The following EFHC2 variants were observed in gnomAD, a reference collection of about 807,000 sequenced individuals.
The protein encoded by EFHC2 is EF-hand domain containing 2.
A neutral mutation model predicts 52.7 loss-of-function variants in EFHC2; 18 were observed. That is an observed-to-expected ratio of 0.34 (90% CI 0.24 to 0.51). The LOEUF is 0.51. Among genes scored for constraint, EFHC2 ranks in the 20% least tolerant of loss-of-function variants. The pLI is 0.97. For missense variants in EFHC2, 513 were observed against 562.5 expected, an observed-to-expected ratio of 0.91 and a Z score of 0.89; for synonymous variants, 203 against 204.1, an observed-to-expected ratio of 0.99 and a Z score of 0.04.
At chrX:44,300,508 T>C (rs190863924) in intron 2 of EFHC2, among the ~76,000 whole-genome samples, 6 of 111,747 alleles carry the variant, frequency 5.4e-5, no homozygotes, top group African/African-American at 2.0e-4. Context: ...TTGAGAAAAT[T>C]ATTACAGTGA....
intron 11 of EFHC2, among the ~76,000 whole-genome samples, chrX:44,192,574 A>AT (rs1483085325): frequency 9.0e-6 from 1 of 111,654 alleles, no homozygotes; most frequent in Admixed American, 9.5e-5. Flanking sequence ...TTAGAAAATG[A>AT]TTTTTTTAAA....
chrX:44,334,260 G>C (rs1467836639), intron 1 of EFHC2, among the ~76,000 whole-genome samples: 1 of 112,053 alleles, frequency 8.9e-6, no homozygotes, highest in Non-Finnish European at 1.9e-5. Context: ...TTTAGGAATA[G>C]CAATGGAATA....
chrX:44,310,405 C>G (rs1460779344), intron 2 of EFHC2: 1 of 1,002,459 alleles, frequency 1.0e-6, no homozygotes, highest in Non-Finnish European at 1.3e-6. Flanking sequence ...CCAGGCTGAG[C>G]CCCTTCAGCG....
At chrX:44,338,341 A>C (rs1044775866) in intron 1 of EFHC2, among the ~76,000 whole-genome samples, 2 of 85,320 alleles carry the variant, frequency 2.3e-5, no homozygotes, top group Non-Finnish European at 4.4e-5. Context: ...TACAAATAAT[A>C]ATTTAAAAAA....
At chrX:44,256,415 G>A (rs1311061873) in intron 4 of EFHC2, among the ~76,000 whole-genome samples, 1 of 111,809 alleles carries the variant, frequency 8.9e-6, no homozygotes, top group African/African-American at 3.3e-5. Flanking sequence ...AAGAAAAAAA[G>A]TGAGAAGAAT....
intron 2 of EFHC2, among the ~76,000 whole-genome samples, chrX:44,292,688 G>C (rs1247091351): frequency 4.5e-5 from 5 of 111,427 alleles, no homozygotes; most frequent in Non-Finnish European, 9.4e-5. Context: ...CCTGATGGGA[G>C]GTGATTGGAT....
chrX:44,329,607 ATTTTTT>A (rs200198873), intron 1 of EFHC2, among the ~76,000 whole-genome samples: 1 of 102,637 alleles, frequency 9.7e-6, no homozygotes, highest in African/African-American at 3.5e-5. Context: ...GGATCACAGA[ATTTTTT>A]TTTTTTTGAT....
At chrX:44,303,938 T>C (rs749019523) in intron 2 of EFHC2, among the ~76,000 whole-genome samples, 6 of 112,469 alleles carry the variant, frequency 5.3e-5, no homozygotes, top group African/African-American at 1.9e-4. Context: ...GAGTCATTTG[T>C]GAAATAGCAA....
chrX:44,333,404 A>T (rs923372004), intron 1 of EFHC2, among the ~76,000 whole-genome samples: 1 of 110,862 alleles, frequency 9.0e-6, no homozygotes, highest in East Asian at 2.9e-4. Context: ...CAAACTAATA[A>T]TTGAGTGGAA....
At chrX:44,287,151 T>C (rs751866248) in intron 2 of EFHC2, among the ~76,000 whole-genome samples, 35 of 110,025 alleles carry the variant, frequency 3.2e-4, no homozygotes, top group African/African-American at 1.2e-3. Context: ...GCCCAGGAGT[T>C]TGAAACTAGC....
chrX:44,164,385 T>C (rs2147270030), intron 13 of EFHC2, among the ~76,000 whole-genome samples: 1 of 112,522 alleles, frequency 8.9e-6, no homozygotes, highest in Non-Finnish European at 1.9e-5. Flanking sequence ...ATGGTTGATA[T>C]TACATGTCAG....
chrX:44,248,448 AC>A, intron 6 of EFHC2, 38 bp from the exon 7 acceptor site: 1 of 1,174,894 alleles, frequency 8.5e-7, no homozygotes, highest in Admixed American at 2.4e-5. Flanking sequence ...GGCACCATGG[AC>A]CCTCCAAAGA....
At chrX:44,243,731 G>A (rs748071529) in intron 7 of EFHC2, among the ~76,000 whole-genome samples, 17 of 112,018 alleles carry the variant, frequency 1.5e-4, no homozygotes, top group Non-Finnish European at 3.0e-4. Context: ...TGAAAGGGGG[G>A]AGCCAGTGTG....
intron 11 of EFHC2, among the ~76,000 whole-genome samples, chrX:44,226,759 G>A (rs1284727642): frequency 9.1e-6 from 1 of 109,830 alleles, no homozygotes; most frequent in Non-Finnish European, 1.9e-5. Context: ...TCGGGACCTA[G>A]GGGAGGGATA....
intron 3 of EFHC2, among the ~76,000 whole-genome samples, chrX:44,271,757 G>T (rs771141247): frequency 1.8e-5 from 2 of 110,519 alleles, no homozygotes; most frequent in African/African-American, 3.3e-5. Context: ...ATAACTTCTA[G>T]CAGCTCTCTG....
At chrX:44,304,403 G>A (rs1326331737) in intron 2 of EFHC2, among the ~76,000 whole-genome samples, 1 of 111,910 alleles carries the variant, frequency 8.9e-6, no homozygotes, top group Non-Finnish European at 1.9e-5. Flanking sequence ...AGTTAATGGC[G>A]GGACCAGAAC....
At chrX:44,343,461 A>G (rs1300457643) in intron 1 of EFHC2, 86 bp downstream of exon 1, 1 of 1,107,344 alleles carries the variant, frequency 9.0e-7, no homozygotes, top group Non-Finnish European at 1.2e-6. Context: ...CCTCCAGGAG[A>G]GTCTGCGGAG....
At chrX:44,317,046 A>G (rs1457304499) in intron 1 of EFHC2, among the ~76,000 whole-genome samples, 1 of 112,118 alleles carries the variant, frequency 8.9e-6, no homozygotes, top group Non-Finnish European at 1.9e-5. Context: ...AGAAATGAAA[A>G]CTTAAGACAA....
intron 13 of EFHC2, among the ~76,000 whole-genome samples, chrX:44,172,508 G>C (rs1199085551): frequency 8.9e-6 from 1 of 112,483 alleles, no homozygotes; most frequent in Non-Finnish European, 1.9e-5. Context: ...TGGACACCGA[G>C]CCCATGTTTT....
Sources: gnomAD v4.1 joint callset for allele counts (sites outside exome capture counted in the v4.1 genomes callset) on GRCh38, gnomAD v4.1.1 for gene constraint, MANE v1.5 for transcripts, NCBI Gene and HGNC (gene_info 2026-07-23, HGNC 2026-07-21) for gene names.